CABP2: variants seen among roughly 807,000 people sequenced by gnomAD.
The protein encoded by CABP2 is calcium-binding protein 2.
CABP2 carries 25 observed loss-of-function variants against 28.6 expected under a neutral mutation model. The ratio of observed to expected loss-of-function variants is 0.87; its 90% CI spans 0.64 to 1.22. The LOEUF (loss-of-function observed/expected upper bound fraction) is 1.22, where lower values mean the gene tolerates loss of function less well. Ranked by LOEUF, CABP2 falls within the 50% of genes most tolerant of loss-of-function variation. The pLI is 0.00. For missense variants in CABP2, 310 were observed against 312.2 expected (o/e 0.99, Z 0.05); for synonymous variants, 138 against 126.0 (o/e 1.09, Z -0.64).
chr11:67,522,487 G>A, intron 2 of CABP2, 59 bp downstream of exon 2: 3 of 1,534,644 alleles, frequency 2.0e-6, no homozygotes, highest in Non-Finnish European at 2.6e-6. Flanking sequence ...GCAAGGGCAG[G>A]TGAGCTGGTG....
chr11:67,522,187 A>G (rs1290066418), intron 2 of CABP2, among the ~76,000 whole-genome samples: 1 of 152,002 alleles, frequency 6.6e-6, no homozygotes, highest in Non-Finnish European at 1.5e-5. Flanking sequence ...CTTCTGGCCT[A>G]GGTCACTCCT....
In CABP2 at chr11:67,521,146, G is replaced by A. The variant is rs760890305; in HGVS notation, c.258C>T (p.Ala86=). ...CCCGGTCTCGGTCAAACTCCTGGAA[G>A]GCGACCTGCAGCTCTGCCAGGCAGG... ...RPEEIEELQV[A]FQEFDRDRDG... Residue 86 remains alanine, a synonymous_variant, in exon 4 of 7, where the codon GCC becomes GCT. Transcript: ENST00000294288. 6.2e-7 allele frequency: 1 copy of A among 1,612,770 alleles called. No individual in the cohort carries two copies. The highest frequency in any genetic ancestry group is 1.7e-5 in the Admixed American group (1 of 60,012).
rs749039443 is a variant in CABP2, at chr11:67,521,989, G to T, written c.214-7C>A. 1 of 1,612,176 alleles carries T rather than the reference G, an allele frequency of 6.2e-7. No homozygotes were observed. Among genetic ancestry groups the T allele is most frequent in the South Asian group, 1.1e-5 (1 of 90,398 alleles). On this transcript the variant is annotated splice_region_variant and splice_polypyrimidine_tract_variant and intron_variant, in intron 2 of 6. Transcript: ENST00000294288. Reference sequence around the variant, plus strand: ...CGGGCCGCAGCTCCCGGTCCTGAAGGGCACAGAGGGGTTAGGAATTCCCTG... The same window carrying T: ...CGGGCCGCAGCTCCCGGTCCTGAAGTGCACAGAGGGGTTAGGAATTCCCTG...
chr11:67,520,914 G>A, intron 4 of CABP2, 111 bp downstream of exon 4: 1 of 1,187,156 alleles, frequency 8.4e-7, no homozygotes, highest in South Asian at 1.4e-5. Flanking sequence ...CCAAGGTCAT[G>A]GGCTCTGGGG....
chr11:67,519,853 C>T lies in CABP2; in HGVS notation c.577G>A (p.Glu193Lys). 2 of 1,613,998 alleles carry T rather than the reference C, an allele frequency of 1.2e-6. No individual in the cohort carries two copies. The highest frequency in any genetic ancestry group is 4.5e-5 in the East Asian group (2 of 44,884). The change falls in exon 6 of 7, where the codon GAG becomes AAG. Residue 193 changes from glutamate to lysine, a missense_variant. Coordinates refer to ENST00000294288, the MANE Select transcript of CABP2 (RefSeq NM_016366.3). ...ACGTCCTGGAGGATCTCGTCCACCT[C>T]CCGCTGGCTGAGGCGCTCCCCCAGC... ...ALLGERLSQREVDEILQDVDL... is the reference protein window; with the variant it reads ...ALLGERLSQRKVDEILQDVDL...
rs1591078355 is a variant in CABP2, at chr11:67,520,218, C to A, written c.380-58G>T. On this transcript the variant is annotated intron_variant, in intron 4 of 6. Transcript: ENST00000294288. The stretch of plus-strand genomic sequence containing the variant: ...TCAGAGACCCCTGCCCCTCCCTGGC[C>A]CTCCCTCCTCTGCCCTCTGCCTTCC... 8 of 1,092,776 alleles carry A rather than the reference C, an allele frequency of 7.3e-6. No individual in the cohort carries two copies. In the East Asian group the frequency reaches 1.9e-4, roughly 26 times the overall value. The allele number at this position is 1,092,776 out of a possible 1,614,324, so 67.7% of individuals were successfully genotyped here.
chr11:67,520,956 T>G lies in CABP2; in HGVS notation c.379+69A>C. The G allele has an allele frequency of 2.6e-6, 4 of 1,546,222 alleles. No homozygotes were observed. The Admixed American group carries it at 6.9e-5, about 27-fold the overall frequency. ...TGTGCAGTCACCTGTGTACCTGGAC[T>G]GCTTGGCTTCATGGGCCCAGCGGGG... is the stretch of plus-strand genomic sequence containing the variant. On this transcript the variant is annotated intron_variant, in intron 4 of 6. Transcript: ENST00000294288.
chr11:67,521,811 G>A lies in CABP2; in HGVS notation c.244+141C>T, dbSNP rs2134362150. The A allele has an allele frequency of 4.0e-6, 3 of 744,154 alleles. No individual in the cohort carries two copies. In the East Asian group the frequency reaches 8.1e-5, roughly 20 times the overall value. The allele number at this position is 744,154 out of a possible 1,614,324, so 46.1% of individuals were successfully genotyped here. On this transcript the variant is annotated intron_variant, in intron 3 of 6. Coordinates refer to ENST00000294288, the MANE Select transcript of CABP2 (RefSeq NM_016366.3). ...GTCTTGTCCCCATTTCCCTAAACTG[G>A]TCCCCTGCAGCCTTCTTGCTCCCAC...
chr11:67,523,162 TC>T, intron 1 of CABP2, 122 bp downstream of exon 1: 1 of 738,154 alleles, frequency 1.4e-6, no homozygotes. Context: ...GAAAAAAATC[TC>T]CACCTGGGGC....
intron 1 of CABP2, 73 bp downstream of exon 1, chr11:67,523,212 T>G: frequency 8.2e-7 from 1 of 1,224,534 alleles, no homozygotes; most frequent in Non-Finnish European, 1.2e-6. Context: ...CTCGGAGGGC[T>G]CTGCCCATCC....
At chr11:67,519,765 G>T in intron 6 of CABP2, 28 bp downstream of exon 6, 1 of 1,609,882 alleles carries the variant, frequency 6.2e-7, no homozygotes, top group Non-Finnish European at 8.5e-7. Flanking sequence ...CTTCCAGGGC[G>T]TGTGTTGCTA....
intron 1 of CABP2, 61 bp from the exon 2 acceptor site, chr11:67,522,777 T>TCC: frequency 7.3e-7 from 1 of 1,365,276 alleles, no homozygotes; most frequent in Middle Eastern, 2.7e-4. Context: ...CTGATAGCCC[T>TCC]CCCCACTCCT....
chr11:67,523,032 G>A (rs536182214), intron 1 of CABP2, among the ~76,000 whole-genome samples: 18 of 152,338 alleles, frequency 1.2e-4, no homozygotes, highest in South Asian at 2.1e-4. Flanking sequence ...AGCAGAGAGC[G>A]GGGACCTGCA....
intron 1 of CABP2, 137 bp downstream of exon 1, chr11:67,523,148 C>T: frequency 2.9e-6 from 2 of 681,168 alleles, no homozygotes; most frequent in Non-Finnish European, 5.0e-6. Context: ...GCTGTGGCTT[C>T]CAGGAAAAAA....
intron 2 of CABP2, among the ~76,000 whole-genome samples, chr11:67,522,308 T>A (rs1866758656): frequency 6.6e-6 from 1 of 152,130 alleles, no homozygotes; most frequent in South Asian, 2.1e-4. Flanking sequence ...CCAGCCTCAA[T>A]GTCACTGTTG....
chr11:67,520,050 C>A lies in CABP2; in HGVS notation c.489+1G>T. 1 of 1,611,678 alleles carries A rather than the reference C, an allele frequency of 6.2e-7. No homozygotes were observed. On this transcript the variant is annotated splice_donor_variant, in intron 5 of 6. Transcript: ENST00000294288. LOFTEE classifies it high-confidence loss of function. ...CCCGCCCTCAGCCCCAGTGGCCGCA[C>A]CTCCCGGAAGGCGTCCCGTAGCTCC...
Position 67,519,020 on chromosome 11 carries a change from AG to A in CABP2, c.*118del. ...GAAGGCAGGCAAGGGCACTGCACACAGGTGGGATGGGGAGGAAAGGAGGGTC... is the reference window on the plus strand; with the variant it reads ...GAAGGCAGGCAAGGGCACTGCACACAGTGGGATGGGGAGGAAAGGAGGGTC... On this transcript the variant is annotated 3_prime_UTR_variant, in exon 7 of 7. Transcript: ENST00000294288. 9.3e-7 allele frequency: 1 copy of A among 1,076,292 alleles called. No individual in the cohort carries two copies. Among genetic ancestry groups the A allele is most frequent in the East Asian group, 2.4e-5 (1 of 41,796 alleles). The allele number at this position is 1,076,292 out of a possible 1,614,324, so 66.7% of individuals were successfully genotyped here. A position where few individuals can be genotyped will look rare whatever the true frequency, so the allele number is the denominator to read the frequency against.
Position 67,522,651 on chromosome 11 carries a change from C to T in CABP2, c.108G>A (p.Lys36=). ...GSCPSPSSSP[K]EQGDPAPGVQ... Reference sequence around the variant, plus strand: ...CGCCTGGCGCGGGGTCCCCCTGCTCCTTGGGGCTGGAGCTGGGGCTGGGGC... The same window carrying T: ...CGCCTGGCGCGGGGTCCCCCTGCTCTTTGGGGCTGGAGCTGGGGCTGGGGC... Residue 36 remains lysine (K), a synonymous_variant, in exon 2 of 7, where the codon AAG becomes AAA. Transcript: ENST00000294288. 1 of 1,543,352 alleles carries T rather than the reference C, an allele frequency of 6.5e-7. No individual in the cohort carries two copies. Among genetic ancestry groups the T allele is most frequent in the Non-Finnish European group, 8.8e-7 (1 of 1,142,662 alleles).
intron 2 of CABP2, 43 bp downstream of exon 2, chr11:67,522,503 G>C: frequency 6.5e-7 from 1 of 1,550,236 alleles, no homozygotes; most frequent in Middle Eastern, 1.7e-4. Context: ...TGGTGGGAGA[G>C]GGGCAAGGGC....
Sources: gnomAD v4.1 joint callset for allele counts (sites outside exome capture counted in the v4.1 genomes callset) on GRCh38, gnomAD v4.1.1 for gene constraint, MANE v1.5 for transcripts, NCBI Gene and HGNC (gene_info 2026-07-23, HGNC 2026-07-21) for gene names.